Variants in NOP58 observed in about 807,000 individuals in gnomAD.
NOP58 encodes the protein NOP58 ribonucleoprotein.
A neutral mutation model predicts 71.2 loss-of-function variants in NOP58; 44 were observed. The ratio of observed to expected loss-of-function variants is 0.62; its 90% CI spans 0.49 to 0.79. NOP58 has a LOEUF of 0.79. Among genes scored for constraint, NOP58 ranks in the 30% least tolerant of loss-of-function variants. The pLI, the probability that NOP58 is intolerant of heterozygous loss-of-function variation, is 0.00. For missense variants in NOP58, 538 were observed against 620.2 expected (o/e 0.87, Z 1.41); for synonymous variants, 228 against 200.3 (o/e 1.14, Z -1.17).
At chr2:202,302,515 C>A (rs1455219917) in intron 13 of NOP58, among the ~76,000 whole-genome samples, 5 of 152,162 alleles carry the variant, frequency 3.3e-5, no homozygotes, top group Admixed American at 3.3e-4. Context: ...ATAAGACATT[C>A]TTAAGTTTTA....
chr2:202,291,090 G>T (rs375448530), intron 7 of NOP58, 35 bp from the exon 8 acceptor site: 1 of 1,522,384 alleles, frequency 6.6e-7, no homozygotes, highest in Non-Finnish European at 8.8e-7. Context: ...TTGTTGAAGA[G>T]TGATTCTCCC....
intron 5 of NOP58, among the ~76,000 whole-genome samples, chr2:202,286,995 C>T (rs1688798016): frequency 6.6e-6 from 1 of 151,800 alleles, no homozygotes; most frequent in Admixed American, 6.6e-5. Flanking sequence ...TGTTAAGAGT[C>T]CTGCAAAGTT....
chr2:202,286,238 C>T (rs1025861345), intron 5 of NOP58, among the ~76,000 whole-genome samples: 5 of 149,172 alleles, frequency 3.4e-5, no homozygotes, highest in Admixed American at 6.7e-5. Flanking sequence ...CAGTGGCTCA[C>T]GCCTGTAATA....
At chr2:202,277,434 C>T (rs1434332475) in intron 2 of NOP58, among the ~76,000 whole-genome samples, 1 of 151,524 alleles carries the variant, frequency 6.6e-6, no homozygotes, top group Non-Finnish European at 1.5e-5. Context: ...GCCGAGATCG[C>T]ACCACTGCAC....
intron 10 of NOP58, among the ~76,000 whole-genome samples, chr2:202,296,903 T>G (rs1377453886): frequency 6.6e-6 from 1 of 151,942 alleles, no homozygotes; most frequent in Admixed American, 6.6e-5. Flanking sequence ...CTGGCTAATT[T>G]TTTGTATTTT....
intron 8 of NOP58, among the ~76,000 whole-genome samples, chr2:202,291,890 A>ATTT (rs531474987): frequency 1.6e-5 from 2 of 122,326 alleles, no homozygotes; most frequent in African/African-American, 6.0e-5. Context: ...ATATCTTGTG[A>ATTT]TTTTTTTTTC....
At chr2:202,279,839 C>T (rs1285780743) in intron 3 of NOP58, among the ~76,000 whole-genome samples, 1 of 152,068 alleles carries the variant, frequency 6.6e-6, no homozygotes, top group African/African-American at 2.4e-5. Flanking sequence ...GGACAAAATG[C>T]CATAGTAGTT....
rs34523815 is a variant in NOP58, at chr2:202,303,040, A to G, written c.1522A>G (p.Thr508Ala). 1 of 1,612,018 alleles carries G rather than the reference A, an allele frequency of 6.2e-7. No homozygotes were observed. The highest frequency in any genetic ancestry group is 8.5e-7 in the Non-Finnish European group (1 of 1,179,820). ...EEPLSEEEPCTSTAIASPEKK... is the reference protein window; with the variant it reads ...EEPLSEEEPCASTAIASPEKK... Reference sequence around the variant, plus strand: ...ACCACTTTCTGAGGAAGAACCATGTACCAGCACAGCAATTGCTGTATGTTT... The same window carrying G: ...ACCACTTTCTGAGGAAGAACCATGTGCCAGCACAGCAATTGCTGTATGTTT... The change falls in exon 14 of 15, where the codon ACC (threonine) becomes GCC (alanine). Residue 508 changes from threonine to alanine, a missense_variant. Thr to Ala is a moderately conservative substitution (Grantham distance 58). Coordinates refer to ENST00000264279, the MANE Select transcript of NOP58 (RefSeq NM_015934.5).
rs781457659 is a variant in NOP58 at position 202,293,053 on chromosome 2, G to A, written c.907+150G>A. ...TGTGGGAGATCACTAAGGGCCAAGT[G>A]TTCAATGATGATTTCTATTTGTTTG... On this transcript the variant is annotated intron_variant, in intron 9 of 14. Coordinates refer to ENST00000264279, the MANE Select transcript of NOP58 (RefSeq NM_015934.5). The A allele has an allele frequency of 7.2e-6, 6 of 837,646 alleles. No individual in the cohort carries two copies. The South Asian group carries it at 8.0e-5, about 11-fold the overall frequency. 51.9% of individuals were successfully genotyped at this position (837,646 alleles called of 1,614,324 possible).
At chr2:202,299,939 C>G (rs1689063816) in intron 12 of NOP58, 1 of 191,200 alleles carries the variant, frequency 5.2e-6, no homozygotes, top group African/African-American at 2.4e-5. Flanking sequence ...TTTCTCCTTT[C>G]ATTTCCCCCA....
intron 8 of NOP58, among the ~76,000 whole-genome samples, chr2:202,291,595 C>T (rs1271708238): frequency 2.6e-5 from 4 of 152,040 alleles, no homozygotes; most frequent in Non-Finnish European, 5.9e-5. Flanking sequence ...GACCTGAGGT[C>T]AGGAGTTCGA....
chr2:202,296,191 G>T (rs547847756), intron 10 of NOP58, among the ~76,000 whole-genome samples: 3 of 152,044 alleles, frequency 2.0e-5, no homozygotes, highest in Admixed American at 6.5e-5. Context: ...CACTTTGAGA[G>T]AAGTCACTAA....
chr2:202,282,539 A>G, intron 4 of NOP58, 67 bp downstream of exon 4: 1 of 1,466,294 alleles, frequency 6.8e-7, no homozygotes, highest in Non-Finnish European at 9.2e-7. Flanking sequence ...TACAAAGCCT[A>G]GCCTTTGCAA....
intron 1 of NOP58, among the ~76,000 whole-genome samples, chr2:202,271,426 G>T (rs982571918): frequency 6.6e-5 from 10 of 151,538 alleles, no homozygotes; most frequent in Admixed American, 6.6e-4. Flanking sequence ...AATTAGCCAG[G>T]CATGGCAGCA....
At chr2:202,268,297 G>A (rs1274345239) in intron 1 of NOP58, among the ~76,000 whole-genome samples, 2 of 152,092 alleles carry the variant, frequency 1.3e-5, no homozygotes, top group Non-Finnish European at 2.9e-5. Flanking sequence ...CACTTTGGGA[G>A]GCCGAGGCCG....
At chr2:202,299,257 C>T (rs776359424) in intron 12 of NOP58, among the ~76,000 whole-genome samples, 1 of 152,132 alleles carries the variant, frequency 6.6e-6, no homozygotes, top group Non-Finnish European at 1.5e-5. Context: ...AGCACCCGGC[C>T]TCCTTCAAGA....
chr2:202,287,062 G>A (rs1688798836), intron 5 of NOP58, among the ~76,000 whole-genome samples: 1 of 143,328 alleles, frequency 7.0e-6, no homozygotes, highest in African/African-American at 2.6e-5. Context: ...GAACCAATAT[G>A]GCTTTTTTTT....
At chr2:202,272,390 G>A (rs1451299843) in intron 1 of NOP58, among the ~76,000 whole-genome samples, 4 of 151,958 alleles carry the variant, frequency 2.6e-5, no homozygotes, top group African/African-American at 7.2e-5. Context: ...TCCTGACCTC[G>A]TGATTCGCCC....
intron 1 of NOP58, among the ~76,000 whole-genome samples, chr2:202,268,402 G>A (rs1482283041): frequency 1.3e-5 from 2 of 151,644 alleles, no homozygotes; most frequent in African/African-American, 4.8e-5. Flanking sequence ...GGGCGTGGTG[G>A]TGTGCGCCTG....
Sources: gnomAD v4.1 joint callset for allele counts (sites outside exome capture counted in the v4.1 genomes callset) on GRCh38, gnomAD v4.1.1 for gene constraint, MANE v1.5 for transcripts, NCBI Gene and HGNC (gene_info 2026-07-23, HGNC 2026-07-21) for gene names.